Variants in DPP10 observed in about 807,000 individuals in gnomAD.
DPP10 encodes inactive dipeptidyl peptidase 10.
A neutral mutation model predicts 120.9 loss-of-function variants in DPP10; 33 were observed. That is an observed-to-expected ratio of 0.27 (90% CI 0.21 to 0.37). The LOEUF is 0.37. DPP10 is among the 10% of genes least tolerant of loss of function. DPP10 has a pLI of 1.00. For missense variants in DPP10, 816 were observed against 942.8 expected, an observed-to-expected ratio of 0.87 and a Z score of 1.76; for synonymous variants, 337 against 326.1, an observed-to-expected ratio of 1.03 and a Z score of -0.36.
chr2:115,093,333 G>T (rs891703502), intron 1 of DPP10, among the ~76,000 whole-genome samples: 2 of 152,006 alleles, frequency 1.3e-5, no homozygotes, highest in Admixed American at 1.3e-4. Flanking sequence ...AGTTATAAAT[G>T]GAATTGACCA....
At chr2:114,809,471 C>A (rs1026242291) in intron 1 of DPP10, among the ~76,000 whole-genome samples, 1 of 152,172 alleles carries the variant, frequency 6.6e-6, no homozygotes, top group Non-Finnish European at 1.5e-5. Context: ...TAAAAGTAGT[C>A]GATGCTGGAA....
intron 3 of DPP10, among the ~76,000 whole-genome samples, chr2:115,471,227 C>G (rs1018387425): frequency 1.3e-5 from 2 of 152,158 alleles, no homozygotes; most frequent in Non-Finnish European, 2.9e-5. Flanking sequence ...AATTCACTAC[C>G]TACTCAAAAG....
At chr2:115,078,916 A>G (rs1414784673) in intron 1 of DPP10, among the ~76,000 whole-genome samples, 1 of 152,132 alleles carries the variant, frequency 6.6e-6, no homozygotes. Flanking sequence ...TGCTGAAGAG[A>G]TATTTATAGG....
intron 1 of DPP10, among the ~76,000 whole-genome samples, chr2:114,741,826 G>A (rs543436883): frequency 1.2e-3 from 183 of 152,312 alleles, no homozygotes; most frequent in Admixed American, 3.7e-3. Flanking sequence ...GAAACTGAAA[G>A]AGGCAAGAAA....
intron 3 of DPP10, among the ~76,000 whole-genome samples, chr2:115,464,560 C>T (rs1411324796): frequency 6.6e-6 from 1 of 152,062 alleles, no homozygotes; most frequent in African/African-American, 2.4e-5. Flanking sequence ...TGTGTGAATG[C>T]CCCAGCCTGT....
intron 3 of DPP10, among the ~76,000 whole-genome samples, chr2:115,496,523 C>T (rs1041124535): frequency 5.9e-5 from 9 of 152,232 alleles, no homozygotes; most frequent in Middle Eastern, 3.4e-3. Context: ...AATTTTCTTT[C>T]GATCACCCCT....
At chr2:114,556,763 G>A (rs1688347150) in intron 1 of DPP10, among the ~76,000 whole-genome samples, 1 of 152,148 alleles carries the variant, frequency 6.6e-6, no homozygotes, top group East Asian at 1.9e-4. Context: ...CCCAGCAAAG[G>A]AGGGCAAGAA....
chr2:115,252,458 T>G (rs1257635284), intron 1 of DPP10, among the ~76,000 whole-genome samples: 1 of 152,218 alleles, frequency 6.6e-6, no homozygotes, highest in Non-Finnish European at 1.5e-5. Context: ...CTGAAATAAT[T>G]GCCAAGCTTA....
At chr2:114,826,562 C>G (rs983352812) in intron 1 of DPP10, among the ~76,000 whole-genome samples, 5 of 152,024 alleles carry the variant, frequency 3.3e-5, no homozygotes, top group Non-Finnish European at 5.9e-5. Context: ...GATGGAGTCT[C>G]CTCTGTCACC....
chr2:115,399,941 C>CA (rs1173945750), intron 3 of DPP10, among the ~76,000 whole-genome samples: 2 of 152,086 alleles, frequency 1.3e-5, no homozygotes, highest in African/African-American at 4.8e-5. Flanking sequence ...GTACAGGAAG[C>CA]ATAGCAGCTT....
At chr2:114,576,026 C>T (rs1690021389) in intron 1 of DPP10, among the ~76,000 whole-genome samples, 1 of 152,178 alleles carries the variant, frequency 6.6e-6, no homozygotes, top group Admixed American at 6.5e-5. Context: ...TACAATTGTT[C>T]AGGATGTAAA....
At chr2:114,954,979 C>G (rs747599728) in intron 1 of DPP10, among the ~76,000 whole-genome samples, 2 of 152,112 alleles carry the variant, frequency 1.3e-5, no homozygotes, top group African/African-American at 4.8e-5. Context: ...AAATGTCCAT[C>G]AAAGAAAAGC....
intron 1 of DPP10, among the ~76,000 whole-genome samples, chr2:114,865,622 C>T (rs1421575953): frequency 1.3e-5 from 2 of 152,100 alleles, no homozygotes; most frequent in Non-Finnish European, 2.9e-5. Flanking sequence ...ACGTTCTATT[C>T]CAAATAGCGA....
intron 1 of DPP10, among the ~76,000 whole-genome samples, chr2:114,801,273 A>AG (rs1553430757): frequency 1.3e-5 from 1 of 77,808 alleles, no homozygotes; most frequent in Non-Finnish European, 3.0e-5. Flanking sequence ...AAAAAAAAAA[A>AG]AAAAAAGAAA....
At chr2:114,625,178 T>C (rs1180973370) in intron 1 of DPP10, among the ~76,000 whole-genome samples, 1 of 151,962 alleles carries the variant, frequency 6.6e-6, no homozygotes, top group East Asian at 1.9e-4. Context: ...CTTGTTTCTG[T>C]GAAATTTTTA....
At chr2:115,080,637 G>C (rs541318201) in intron 1 of DPP10, among the ~76,000 whole-genome samples, 1 of 152,192 alleles carries the variant, frequency 6.6e-6, no homozygotes, top group Non-Finnish European at 1.5e-5. Context: ...AGAAAATACA[G>C]TCTAGCCCCA....
chr2:114,585,214 G>T (rs532038803), intron 1 of DPP10, among the ~76,000 whole-genome samples: 11 of 152,264 alleles, frequency 7.2e-5, no homozygotes, highest in African/African-American at 1.9e-4. Flanking sequence ...AGCTCTTTCA[G>T]ATTGTTGACA....
At chr2:115,616,960 C>A (rs1022109768) in intron 5 of DPP10, among the ~76,000 whole-genome samples, 1 of 151,914 alleles carries the variant, frequency 6.6e-6, no homozygotes, top group Non-Finnish European at 1.5e-5. Context: ...TTTTCTCAAA[C>A]CTGCTCTCAT....
intron 1 of DPP10, among the ~76,000 whole-genome samples, chr2:115,037,169 G>T (rs1490681399): frequency 1.3e-5 from 2 of 152,126 alleles, no homozygotes; most frequent in East Asian, 1.9e-4. Context: ...GTTACAAATT[G>T]TCTTAATATT....
Sources: gnomAD v4.1 joint callset for allele counts (sites outside exome capture counted in the v4.1 genomes callset) on GRCh38, gnomAD v4.1.1 for gene constraint, MANE v1.5 for transcripts, NCBI Gene and HGNC (gene_info 2026-07-23, HGNC 2026-07-21) for gene names.